Variants in USP12 observed in about 807,000 individuals in gnomAD.
USP12 encodes ubiquitin specific peptidase 12.
In USP12, 19 loss-of-function variants were observed where a neutral mutation model predicts 45.5. That is an observed-to-expected ratio of 0.42 (90% CI 0.29 to 0.61). The LOEUF is 0.61. Among genes scored for constraint, USP12 ranks in the 20% least tolerant of loss-of-function variants. The pLI, the probability that USP12 is intolerant of heterozygous loss-of-function variation, is 0.22. For synonymous variants in USP12, 149 were observed against 148.8 expected, an observed-to-expected ratio of 1.00 and a Z score of -0.01; for missense variants, 242 against 447.7, an observed-to-expected ratio of 0.54 and a Z score of 4.15.
chr13:27,137,414 T>C (rs1566000157), intron 1 of USP12, among the ~76,000 whole-genome samples: 1 of 152,134 alleles, frequency 6.6e-6, no homozygotes, highest in Non-Finnish European at 1.5e-5. Context: ...AAAAAATCAA[T>C]TGTCAATATT....
intron 1 of USP12, among the ~76,000 whole-genome samples, chr13:27,122,082 C>G (rs758138446): frequency 2.6e-5 from 4 of 151,960 alleles, no homozygotes; most frequent in Non-Finnish European, 5.9e-5. Context: ...GTAATCCCAG[C>G]ACTTTGGGGA....
At chr13:27,098,701 T>C (rs1874712935) in intron 3 of USP12, among the ~76,000 whole-genome samples, 1 of 152,204 alleles carries the variant, frequency 6.6e-6, no homozygotes, top group Non-Finnish European at 1.5e-5. Flanking sequence ...GCCAGGTAAG[T>C]ATCTGTGCAT....
At chr13:27,162,136 G>C (rs1878137535) in intron 1 of USP12, among the ~76,000 whole-genome samples, 1 of 152,282 alleles carries the variant, frequency 6.6e-6, no homozygotes. Context: ...CAATGACCAT[G>C]TAAGGGTGAT....
chr13:27,095,531 C>T lies in USP12; in HGVS notation c.573+70G>A. On this transcript the variant is annotated intron_variant, in intron 4 of 8. Coordinates refer to ENST00000282344, the MANE Select transcript of USP12 (RefSeq NM_182488.4). ...CTTTCAAGTTCATCTTCCATTCTGT[C>T]TTTCTCAAAGAACAACCTTTAACAT... 11 of 1,137,442 alleles carry T rather than the reference C, an allele frequency of 9.7e-6. No homozygotes were observed. The South Asian group carries it at 1.9e-4, about 20-fold the overall frequency. The allele number at this position is 1,137,442 out of a possible 1,614,324, so 70.5% of individuals were successfully genotyped here.
chr13:27,071,455 A>C (rs1258658791), intron 7 of USP12, among the ~76,000 whole-genome samples: 1 of 152,184 alleles, frequency 6.6e-6, no homozygotes, highest in Non-Finnish European at 1.5e-5. Flanking sequence ...CTATAATAAA[A>C]GACATATTTT....
intron 7 of USP12, among the ~76,000 whole-genome samples, chr13:27,074,961 T>C (rs542999112): frequency 6.6e-6 from 1 of 152,288 alleles, no homozygotes; most frequent in East Asian, 1.9e-4. Context: ...AAATCAGATA[T>C]AGTACTTGTA....
intron 2 of USP12, among the ~76,000 whole-genome samples, chr13:27,111,057 G>T (rs1436562880): frequency 6.6e-6 from 1 of 152,182 alleles, no homozygotes; most frequent in African/African-American, 2.4e-5. Flanking sequence ...TCACACTTCT[G>T]TCCAACATGA....
At chr13:27,087,666 G>A (rs143137464) in intron 6 of USP12, among the ~76,000 whole-genome samples, 45 of 152,328 alleles carry the variant, frequency 3.0e-4, no homozygotes, top group African/African-American at 1.0e-3. Context: ...AGAAACCAGG[G>A]CTCCTTGGAG....
chr13:27,099,123 T>C (rs1193441231), intron 3 of USP12, among the ~76,000 whole-genome samples: 3 of 152,164 alleles, frequency 2.0e-5, no homozygotes. Flanking sequence ...GACATATATA[T>C]TTAAGTGCAT....
intron 1 of USP12, chr13:27,170,304 C>T (rs551099659): frequency 5.0e-6 from 2 of 398,492 alleles, no homozygotes; most frequent in South Asian, 2.5e-4. Context: ...CTTTTTAAGG[C>T]ATCTTTCAGA....
At chr13:27,087,349 A>G (rs1874109205) in intron 6 of USP12, among the ~76,000 whole-genome samples, 1 of 152,162 alleles carries the variant, frequency 6.6e-6, no homozygotes, top group Non-Finnish European at 1.5e-5. Flanking sequence ...TGGGTTACCT[A>G]AAGGTGCAAT....
chr13:27,155,121 A>C (rs980184842), intron 1 of USP12, among the ~76,000 whole-genome samples: 10 of 115,686 alleles, frequency 8.6e-5, no homozygotes, highest in African/African-American at 3.4e-4. Context: ...TCGCTCTGTC[A>C]CCCAGACTGG....
At chr13:27,110,315 A>G (rs946558478) in intron 2 of USP12, among the ~76,000 whole-genome samples, 2 of 152,224 alleles carry the variant, frequency 1.3e-5, no homozygotes, top group Admixed American at 6.5e-5. Context: ...TTGCAAATAA[A>G]GGACCTAACC....
At chr13:27,078,973 A>G (rs1323725331) in intron 6 of USP12, among the ~76,000 whole-genome samples, 1 of 151,740 alleles carries the variant, frequency 6.6e-6, no homozygotes, top group Non-Finnish European at 1.5e-5. Context: ...TCAAAGATGA[A>G]ATCAGAGTAT....
chr13:27,082,648 C>A (rs534120269), intron 6 of USP12, among the ~76,000 whole-genome samples: 52 of 152,334 alleles, frequency 3.4e-4, no homozygotes, highest in African/African-American at 1.2e-3. Flanking sequence ...TCATTTCTAG[C>A]TTTTCACTTA....
In USP12 at chr13:27,119,677, C is replaced by T. The variant is rs185430082; in HGVS notation, c.49-3081G>A. Among the ~76,000 whole-genome samples the T allele has an allele frequency of 6.6e-5, 10 of 152,346 alleles. No individual in the cohort carries two copies. In the East Asian group the frequency reaches 1.5e-3, roughly 23 times the overall value. On this transcript the variant is annotated intron_variant, in intron 1 of 8. Transcript: ENST00000282344. Reference sequence around the variant, plus strand: ...TTCATGAATGCTTCTGAAGACATTACTGTTTTAACACAAAACTCCAGGGAA... The same window carrying T: ...TTCATGAATGCTTCTGAAGACATTATTGTTTTAACACAAAACTCCAGGGAA...
intron 1 of USP12, among the ~76,000 whole-genome samples, chr13:27,146,449 A>G (rs1294553108): frequency 1.5e-5 from 2 of 136,624 alleles, no homozygotes; most frequent in African/African-American, 2.7e-5. Flanking sequence ...GGCTAGGGGT[A>G]TAAGGTAGGG....
chr13:27,149,773 AGT>A (rs1233807788), intron 1 of USP12, among the ~76,000 whole-genome samples: 7 of 152,206 alleles, frequency 4.6e-5, no homozygotes, highest in African/African-American at 1.4e-4. Flanking sequence ...TCCATGGACT[AGT>A]GGGGGATGGT....
chr13:27,122,519 G>T (rs1011227613), intron 1 of USP12, among the ~76,000 whole-genome samples: 1 of 152,120 alleles, frequency 6.6e-6, no homozygotes, highest in Non-Finnish European at 1.5e-5. Flanking sequence ...AGGCATGGTG[G>T]CATGCACCTG....
Sources: gnomAD v4.1 joint callset for allele counts (sites outside exome capture counted in the v4.1 genomes callset) on GRCh38, gnomAD v4.1.1 for gene constraint, MANE v1.5 for transcripts, NCBI Gene and HGNC (gene_info 2026-07-23, HGNC 2026-07-21) for gene names.